The following PLEKHA5 variants were observed in gnomAD, a reference collection of about 807,000 sequenced individuals.
The protein encoded by PLEKHA5 is pleckstrin homology domain-containing family A member 5.
Under a neutral mutation model 181.9 loss-of-function variants are expected in PLEKHA5, and 55 were observed. The ratio of observed to expected loss-of-function variants is 0.30; its 90% CI spans 0.24 to 0.38. The LOEUF (loss-of-function observed/expected upper bound fraction) is 0.38, where lower values mean the gene tolerates loss of function less well. Among genes scored for constraint, PLEKHA5 ranks in the 10% least tolerant of loss-of-function variants. The probability of loss-of-function intolerance (pLI) is 1.00; values close to 1 mark genes in which losing one functional copy is unlikely to be tolerated. For synonymous variants in PLEKHA5, 535 were observed against 529.4 expected, an observed-to-expected ratio of 1.01 and a Z score of -0.15; for missense variants, 1,432 against 1,549.5, an observed-to-expected ratio of 0.92 and a Z score of 1.27.
At chr12:19,231,440 C>T (rs1371604936) in intron 3 of PLEKHA5, among the ~76,000 whole-genome samples, 1 of 142,428 alleles carries the variant, frequency 7.0e-6, no homozygotes, top group Non-Finnish European at 1.6e-5. Flanking sequence ...TAAATATGTG[C>T]AATTTTTGTC....
At chr12:19,262,610 G>A (rs1456129477) in intron 7 of PLEKHA5, among the ~76,000 whole-genome samples, 1 of 152,152 alleles carries the variant, frequency 6.6e-6, no homozygotes, top group African/African-American at 2.4e-5. Context: ...TGTTGCTCAG[G>A]GAAAGGTGGG....
At chr12:19,255,508 A>G (rs113789823) in intron 5 of PLEKHA5, among the ~76,000 whole-genome samples, 2 of 152,082 alleles carry the variant, frequency 1.3e-5, no homozygotes, top group African/African-American at 2.4e-5. Flanking sequence ...CAGCAAAACC[A>G]TTGTAATAGT....
chr12:19,355,592 TAAAGTACAACTAC>T (rs1411303221), intron 26 of PLEKHA5, among the ~76,000 whole-genome samples: 1 of 151,886 alleles, frequency 6.6e-6, no homozygotes, highest in Non-Finnish European at 1.5e-5. Flanking sequence ...TCAAAGATAT[TAAAGTACAACTAC>T]AAAGTACATG....
In PLEKHA5 at chr12:19,310,139, G is replaced by A. The variant is rs367750437; in HGVS notation, c.2038-4675G>A. ...TACTTCAAAGAAGGAATTAAAGTAA[G>A]AAGCAAAGCATTTAACTCATTTCAA... On this transcript the variant is annotated intron_variant, in intron 15 of 31. Transcript: ENST00000429027. Among the ~76,000 whole-genome samples, 328 of 152,186 alleles carry A rather than the reference G, an allele frequency of 2.2e-3. 5 individuals carry two copies. Among genetic ancestry groups the A allele is most frequent in the African/African-American group, 6.2e-3 (256 of 41,514 alleles).
At chr12:19,347,241 A>G in intron 24 of PLEKHA5, 59 bp downstream of exon 24, 1 of 1,034,060 alleles carries the variant, frequency 9.7e-7, no homozygotes, top group African/African-American at 1.6e-5. Flanking sequence ...ATTTTTGAAA[A>G]TTAATTTATT....
At chr12:19,341,236 C>T (rs1374358544) in intron 21 of PLEKHA5, among the ~76,000 whole-genome samples, 3 of 152,126 alleles carry the variant, frequency 2.0e-5, no homozygotes, top group East Asian at 1.9e-4. Context: ...AAGATCACAT[C>T]GCTGCACTCC....
At chr12:19,340,755 C>G (rs537646715) in intron 21 of PLEKHA5, among the ~76,000 whole-genome samples, 151 of 147,832 alleles carry the variant, frequency 1.0e-3, no homozygotes, top group Non-Finnish European at 1.6e-3. Flanking sequence ...TTGAAGGCAG[C>G]ATGCTCGTTA....
rs1225602313 is a variant in PLEKHA5, at chr12:19,129,765, CAGG to C, written c.-32_-30del. 1.3e-5 allele frequency: 19 copies of C among 1,514,490 alleles called. No homozygotes were observed. Among genetic ancestry groups the C allele is most frequent in the Non-Finnish European group, 1.6e-5 (18 of 1,102,644 alleles). 93.8% of individuals were successfully genotyped at this position (1,514,490 alleles called of 1,614,324 possible). ...CCTCCCTCGGCAGCCGCGGCGGCAG[CAGG>C]AGAAGGCGGCGGCGGCGGCTAGGGA... On this transcript the variant is annotated 5_prime_UTR_variant, in exon 1 of 32. Transcript: ENST00000429027.
chr12:19,302,718 C>T (rs1333513953), intron 15 of PLEKHA5, among the ~76,000 whole-genome samples: 1 of 151,844 alleles, frequency 6.6e-6, no homozygotes, highest in Non-Finnish European at 1.5e-5. Flanking sequence ...AATTTTTAGA[C>T]CTGGTATCTA....
chr12:19,356,721 C>T (rs1167829223), intron 26 of PLEKHA5, among the ~76,000 whole-genome samples: 7 of 124,146 alleles, frequency 5.6e-5, no homozygotes, highest in East Asian at 2.5e-4. Context: ...GGTGCAATGG[C>T]GTGATCTCAG....
intron 15 of PLEKHA5, among the ~76,000 whole-genome samples, chr12:19,309,797 A>G (rs1305758115): frequency 1.3e-5 from 2 of 152,102 alleles, no homozygotes; most frequent in Non-Finnish European, 2.9e-5. Context: ...CATTTGTGTT[A>G]CTGCAGTAGT....
At position 19,287,519 on chromosome 12, in the gene PLEKHA5, T is replaced by C; in HGVS notation, c.1826T>C (p.Leu609Ser). 6.2e-7 allele frequency: 1 copy of C among 1,610,426 alleles called. No homozygotes were observed. The highest frequency in any genetic ancestry group is 1.3e-5 in the African/African-American group (1 of 74,956). ...DRRSVPAGLTLQSVSPQSLQG... is the reference protein window; with the variant it reads ...DRRSVPAGLTSQSVSPQSLQG... ...AGGTCAGTGCCAGCTGGCCTGACTT[T>C]ACAGTCTGTTAGTCCCCAGAGCCTC... is the stretch of plus-strand genomic sequence containing the variant. Residue 609 changes from leucine to serine, a missense_variant, in exon 13 of 32, where the codon TTA (leucine) becomes TCA (serine). By Grantham distance (145) the Leu-to-Ser change is moderately radical. Around this residue, in one of 2 missense-constraint regions of PLEKHA5, gnomAD observed 1,143 missense variants for 1,168.4 expected, o/e 0.98. Transcript: ENST00000429027.
intron 21 of PLEKHA5, among the ~76,000 whole-genome samples, chr12:19,339,165 C>G (rs2093678728): frequency 1.3e-5 from 2 of 151,700 alleles, no homozygotes; most frequent in South Asian, 4.2e-4. Flanking sequence ...CTCAGCCTTC[C>G]TAGTAGCTGG....
intron 3 of PLEKHA5, among the ~76,000 whole-genome samples, chr12:19,246,578 C>T (rs966823835): frequency 4.7e-5 from 7 of 149,132 alleles, no homozygotes; most frequent in Non-Finnish European, 7.4e-5. Context: ...GCCGAGATTG[C>T]GCCACTGCAC....
At chr12:19,326,039 T>C (rs1008084046) in intron 20 of PLEKHA5, among the ~76,000 whole-genome samples, 3 of 151,812 alleles carry the variant, frequency 2.0e-5, no homozygotes, top group Non-Finnish European at 4.4e-5. Flanking sequence ...TAAAATAAAA[T>C]AAATAAAATA....
intron 13 of PLEKHA5, chr12:19,287,934 C>T (rs571926862): frequency 5.4e-4 from 119 of 221,988 alleles, no homozygotes; most frequent in African/African-American, 2.6e-3. Flanking sequence ...CAAAATTAGC[C>T]GGGCATGGTG....
At chr12:19,320,731 T>G (rs1440859628) in intron 18 of PLEKHA5, 107 bp downstream of exon 18, 1 of 553,124 alleles carries the variant, frequency 1.8e-6, no homozygotes, top group Non-Finnish European at 3.3e-6. Context: ...TCCTCCAAAG[T>G]GACATCAGGT....
intron 3 of PLEKHA5, among the ~76,000 whole-genome samples, chr12:19,233,857 C>T: frequency 6.6e-6 from 1 of 152,270 alleles, no homozygotes; most frequent in South Asian, 2.1e-4. Context: ...AAAAGAGAAT[C>T]AGGATTAATT....
At chr12:19,344,489 G>A (rs1244417428) in intron 22 of PLEKHA5, among the ~76,000 whole-genome samples, 1 of 152,108 alleles carries the variant, frequency 6.6e-6, no homozygotes, top group African/African-American at 2.4e-5. Context: ...CCATATTGAT[G>A]GATAATGTAT....
Sources: gnomAD v4.1 joint callset for allele counts (sites outside exome capture counted in the v4.1 genomes callset) on GRCh38, gnomAD v4.1.1 for gene constraint, gnomAD v4.1.1 regional missense constraint, MANE v1.5 for transcripts, NCBI Gene and HGNC (gene_info 2026-07-23, HGNC 2026-07-21) for gene names.